Variants in RIMS2 observed in about 807,000 individuals in gnomAD.
The protein encoded by RIMS2 is regulating synaptic membrane exocytosis 2.
In RIMS2, 59 loss-of-function variants were observed where a neutral mutation model predicts 174.4. That is an observed-to-expected ratio of 0.34 (90% confidence interval 0.27 to 0.42). The LOEUF is 0.42. Among genes scored for constraint, RIMS2 ranks in the 10% least tolerant of loss-of-function variants. The pLI, the probability that RIMS2 is intolerant of heterozygous loss-of-function variation, is 1.00. For synonymous variants in RIMS2, 606 were observed against 572.5 expected (o/e 1.06, Z -0.84); for missense variants, 1,620 against 1,666.3 (o/e 0.97, Z 0.48).
chr8:103,812,206 C>T (rs555135274), intron 3 of RIMS2, among the ~76,000 whole-genome samples: 2 of 151,998 alleles, frequency 1.3e-5, no homozygotes, highest in African/African-American at 4.8e-5. Flanking sequence ...GAAATGTACT[C>T]GTCATCTTTA....
At chr8:103,939,075 G>T (rs2081962803) in intron 13 of RIMS2, among the ~76,000 whole-genome samples, 1 of 152,150 alleles carries the variant, frequency 6.6e-6, no homozygotes, top group African/African-American at 2.4e-5. Flanking sequence ...CCATTCTGGG[G>T]TCTGGAGGTT....
chr8:104,062,576 A>G (rs1054178221), intron 19 of RIMS2, among the ~76,000 whole-genome samples: 3 of 152,192 alleles, frequency 2.0e-5, no homozygotes, highest in Non-Finnish European at 4.4e-5. Flanking sequence ...TTTTTATAGT[A>G]TATCTCATTG....
chr8:104,109,732 A>G (rs2098143218), intron 19 of RIMS2, among the ~76,000 whole-genome samples: 1 of 152,190 alleles, frequency 6.6e-6, no homozygotes, highest in East Asian at 1.9e-4. Context: ...GGATAGATCC[A>G]TTTTGCATTT....
At chr8:103,798,157 CTG>C (rs1264425255) in intron 3 of RIMS2, among the ~76,000 whole-genome samples, 3 of 151,978 alleles carry the variant, frequency 2.0e-5, no homozygotes, top group Non-Finnish European at 2.9e-5. Context: ...AGAAGATTCT[CTG>C]TGTCATATGA....
intron 2 of RIMS2, among the ~76,000 whole-genome samples, chr8:103,734,264 G>A (rs1266964717): frequency 6.7e-6 from 1 of 150,078 alleles, no homozygotes; most frequent in Non-Finnish European, 1.5e-5. Flanking sequence ...ACCCACCTCG[G>A]CCTCCCAAAG....
intron 8 of RIMS2, 74 bp downstream of exon 11, chr8:103,916,611 A>C: frequency 1.7e-6 from 2 of 1,177,492 alleles, no homozygotes; most frequent in South Asian, 1.7e-5. Context: ...GCCATTTAAT[A>C]ATTTCTGATT....
chr8:104,011,756 A>G (rs1295285950), intron 17 of RIMS2, among the ~76,000 whole-genome samples: 1 of 152,072 alleles, frequency 6.6e-6, no homozygotes, highest in East Asian at 1.9e-4. Flanking sequence ...GATTTGTTAT[A>G]TAATAAGATG....
intron 19 of RIMS2, among the ~76,000 whole-genome samples, chr8:104,044,143 T>C (rs1400815402): frequency 6.6e-6 from 1 of 151,562 alleles, no homozygotes; most frequent in Non-Finnish European, 1.5e-5. Context: ...GAAATGAACG[T>C]TCTCTGATGA....
In RIMS2 at chr8:103,710,172, G is replaced by A. The variant is rs1176677; in HGVS notation, c.387+12876G>A. Among the ~76,000 whole-genome samples, 643 of 151,880 alleles carry A rather than the reference G, an allele frequency of 4.2e-3. 4 individuals are homozygous for A. The highest frequency in any genetic ancestry group is 0.015 in the African/African-American group (613 of 41,412). ...CCCAAAAGGATTAATCTCAGTGAAAGTTGGTCTTACTAAGCTTATGAAATA... is the reference window on the plus strand; with the variant it reads ...CCCAAAAGGATTAATCTCAGTGAAAATTGGTCTTACTAAGCTTATGAAATA... On this transcript the variant is annotated intron_variant, in intron 2 of 23. Coordinates refer to ENST00000504942, the Ensembl canonical transcript of RIMS2.
rs142035261 is a variant in RIMS2, at chr8:103,540,957, A to T, written c.176+39895A>T. On this transcript the variant is annotated intron_variant, in intron 1 of 23. Transcript: ENST00000504942. ...ATTCAAAGACAAGTTACTTGAAAATATACAGTGAGAGGAATAAAAAAGAAA... is the reference window on the plus strand; with the variant it reads ...ATTCAAAGACAAGTTACTTGAAAATTTACAGTGAGAGGAATAAAAAAGAAA... Among the ~76,000 whole-genome samples, 935 of 151,548 alleles carry T rather than the reference A, an allele frequency of 6.2e-3. 11 individuals carry two copies. Among genetic ancestry groups the T allele is most frequent in the African/African-American group, 0.021 (885 of 41,534 alleles).
upstream of RIMS2, chr8:103,500,635 A>G (rs1819215653): frequency 2.4e-6 from 1 of 420,820 alleles, no homozygotes; most frequent in African/African-American, 2.1e-5. Context: ...TGAACCGCTC[A>G]CTTCACAGCC....
chr8:104,255,789 G>GAGTTCACA (rs1296755679), downstream of RIMS2: 2 of 152,176 alleles, frequency 1.3e-5, no homozygotes, highest in Non-Finnish European at 2.9e-5. Context: ...GAAGAAACAG[G>GAGTTCACA]AGTTCACACA....
At chr8:104,124,189 C>G (rs1384676470) in intron 19 of RIMS2, among the ~76,000 whole-genome samples, 1 of 151,904 alleles carries the variant, frequency 6.6e-6, no homozygotes, top group East Asian at 1.9e-4. Flanking sequence ...CACAAAGAAG[C>G]CAATATGGTT....
At chr8:103,961,392 T>C (rs1313669540) in intron 15 of RIMS2, among the ~76,000 whole-genome samples, 2 of 152,072 alleles carry the variant, frequency 1.3e-5, no homozygotes, top group East Asian at 1.9e-4. Flanking sequence ...ATAATAAGGA[T>C]TTTACAATAA....
intron 19 of RIMS2, among the ~76,000 whole-genome samples, chr8:104,022,886 G>T (rs756598271): frequency 6.6e-6 from 1 of 152,038 alleles, no homozygotes; most frequent in Non-Finnish European, 1.5e-5. Flanking sequence ...TGATATAGTT[G>T]AACCTAGAAA....
chr8:103,893,182 T>G (rs983689920), intron 4 of RIMS2, among the ~76,000 whole-genome samples: 2 of 152,092 alleles, frequency 1.3e-5, no homozygotes, highest in Non-Finnish European at 2.9e-5. Flanking sequence ...GTCAATAATA[T>G]GTAATACTAG....
chr8:104,240,936 C>T (rs1004870853), intron 19 of RIMS2, among the ~76,000 whole-genome samples: 3 of 151,992 alleles, frequency 2.0e-5, no homozygotes, highest in African/African-American at 7.2e-5. Flanking sequence ...TACCTCATTC[C>T]TAATGAGGTA....
intron 2 of RIMS2, among the ~76,000 whole-genome samples, chr8:103,699,989 C>T (rs1019925853): frequency 1.3e-5 from 2 of 151,990 alleles, no homozygotes; most frequent in Admixed American, 6.6e-5. Flanking sequence ...ATTTTATGGC[C>T]CAGAATATGG....
At chr8:103,936,944 A>T (rs1203489929) in intron 13 of RIMS2, among the ~76,000 whole-genome samples, 1 of 152,024 alleles carries the variant, frequency 6.6e-6, no homozygotes, top group Non-Finnish European at 1.5e-5. Context: ...AGATACAAAA[A>T]TAAATTAGCC....
Sources: gnomAD v4.1 joint callset for allele counts (sites outside exome capture counted in the v4.1 genomes callset) on GRCh38, gnomAD v4.1.1 for gene constraint, MANE v1.5 for transcripts, NCBI Gene and HGNC (gene_info 2026-07-23, HGNC 2026-07-21) for gene names.